The following NOX4 variants were observed in gnomAD, a reference collection of about 807,000 sequenced individuals.
NOX4 encodes the protein NADPH oxidase 4.
NOX4 carries 69 observed loss-of-function variants against 87.6 expected under a neutral mutation model. The observed-to-expected ratio is 0.79, with a 90% CI of 0.65 to 0.96. NOX4 has a LOEUF of 0.96. Ranked by LOEUF, NOX4 falls within the 40% of genes least tolerant of loss-of-function variation. The pLI is 0.00. For missense variants in NOX4, 680 were observed against 681.5 expected (o/e 1.00, Z 0.02); for synonymous variants, 275 against 238.2 (o/e 1.15, Z -1.42).
chr11:89,441,040 A>T (rs561632602), intron 5 of NOX4, among the ~76,000 whole-genome samples: 1 of 152,300 alleles, frequency 6.6e-6, no homozygotes, highest in East Asian at 1.9e-4. Context: ...TTGAAACTCA[A>T]TATCTTAGCC....
intron 12 of NOX4, among the ~76,000 whole-genome samples, chr11:89,366,547 G>A (rs1162070879): frequency 1.3e-5 from 2 of 151,792 alleles, no homozygotes; most frequent in Non-Finnish European, 2.9e-5. Flanking sequence ...ATGGTGGTCT[G>A]AGCCTGTGGT....
At chr11:89,473,549 T>C (rs1946038415) in intron 2 of NOX4, among the ~76,000 whole-genome samples, 1 of 152,122 alleles carries the variant, frequency 6.6e-6, no homozygotes, top group Admixed American at 6.6e-5. Context: ...TAATGATATA[T>C]ATTAAAACTC....
chr11:89,497,703 T>C (rs12224364), intron 1 of NOX4, among the ~76,000 whole-genome samples: 4,366 of 152,240 alleles, frequency 0.029, 254 homozygotes, highest in East Asian at 0.2. Context: ...AATTGTGAAA[T>C]TCCCAAAGGC....
At chr11:89,473,429 A>G (rs561322052) in intron 2 of NOX4, among the ~76,000 whole-genome samples, 1 of 148,068 alleles carries the variant, frequency 6.8e-6, no homozygotes, top group Admixed American at 6.9e-5. Flanking sequence ...TCTGAAAATT[A>G]GAAGCCAAAA....
the NOX4 span, among the ~76,000 whole-genome samples, chr11:89,586,698 T>C: frequency 6.6e-6 from 1 of 152,146 alleles, no homozygotes. Flanking sequence ...ATTAATATTA[T>C]AGCAAATAGG....
At chr11:89,360,669 A>T (rs1353420774) in intron 12 of NOX4, among the ~76,000 whole-genome samples, 1 of 152,050 alleles carries the variant, frequency 6.6e-6, no homozygotes, top group African/African-American at 2.4e-5. Flanking sequence ...TGAGTTGCTT[A>T]AAAAATATTT....
At chr11:89,332,152 T>A (rs1224372745) in intron 17 of NOX4, among the ~76,000 whole-genome samples, 3 of 151,816 alleles carry the variant, frequency 2.0e-5, no homozygotes, top group African/African-American at 7.3e-5. Flanking sequence ...TCTTACATAA[T>A]GAGAACTTAA....
At chr11:89,567,057 G>T in the NOX4 span, among the ~76,000 whole-genome samples, 14 of 152,278 alleles carry the variant, frequency 9.2e-5, no homozygotes, top group East Asian at 2.7e-3. Flanking sequence ...CACTCCCCTA[G>T]GTGGCTTTGG....
chr11:89,372,482 T>A (rs1291950428), intron 12 of NOX4, among the ~76,000 whole-genome samples: 1 of 152,012 alleles, frequency 6.6e-6, no homozygotes, highest in African/African-American at 2.4e-5. Flanking sequence ...GATTAAAGAC[T>A]GATTGGATTC....
At chr11:89,459,093 G>C (rs900465556) in intron 2 of NOX4, among the ~76,000 whole-genome samples, 2 of 151,988 alleles carry the variant, frequency 1.3e-5, no homozygotes, top group Non-Finnish European at 1.5e-5. Context: ...AGAAAATATG[G>C]TGTATACATA....
intron 2 of NOX4, among the ~76,000 whole-genome samples, chr11:89,485,974 G>C (rs565781469): frequency 2.0e-4 from 31 of 152,198 alleles, no homozygotes; most frequent in African/African-American, 7.2e-4. Flanking sequence ...CTCTGGATCA[G>C]ACCAGTCTGG....
At chr11:89,568,152 G>T in the NOX4 span, among the ~76,000 whole-genome samples, 1 of 152,006 alleles carries the variant, frequency 6.6e-6, no homozygotes, top group Non-Finnish European at 1.5e-5. Context: ...CTGGCCCCCC[G>T]TGAAATCATC....
At chr11:89,442,114 G>T (rs1382303594) in intron 5 of NOX4, among the ~76,000 whole-genome samples, 1 of 150,576 alleles carries the variant, frequency 6.6e-6, no homozygotes, top group African/African-American at 2.4e-5. Flanking sequence ...GTACCTATTA[G>T]ATGCTAAATA....
At chr11:89,490,383 A>C in intron 2 of NOX4, 75 bp downstream of exon 2, 1 of 1,002,192 alleles carries the variant, frequency 1.0e-6, no homozygotes, top group Non-Finnish European at 1.6e-6. Context: ...TAATGAATGG[A>C]ACTGACCAAA....
chr11:89,468,822 G>T (rs913101034), intron 2 of NOX4, among the ~76,000 whole-genome samples: 1 of 152,100 alleles, frequency 6.6e-6, no homozygotes, highest in Non-Finnish European at 1.5e-5. Context: ...ACAGCTCACT[G>T]CAGCCTGGAG....
chr11:89,542,796 A>G, the NOX4 span, among the ~76,000 whole-genome samples: 2 of 152,154 alleles, frequency 1.3e-5, 1 homozygote, highest in Non-Finnish European at 2.9e-5. Context: ...AGCATTTTCA[A>G]TTTAAGACTG....
the NOX4 span, among the ~76,000 whole-genome samples, chr11:89,571,764 A>G: frequency 1.8e-4 from 27 of 151,944 alleles, no homozygotes; most frequent in Non-Finnish European, 3.5e-4. Context: ...GAACTATGTC[A>G]CCCAAACCTG....
chr11:89,461,437 G>A (rs1038987021), intron 2 of NOX4, among the ~76,000 whole-genome samples: 2 of 151,956 alleles, frequency 1.3e-5, no homozygotes, highest in African/African-American at 2.4e-5. Context: ...GAGGTCAGGA[G>A]ATCGAGACCA....
intron 8 of NOX4, among the ~76,000 whole-genome samples, chr11:89,419,506 G>C (rs1942972830): frequency 6.6e-6 from 1 of 151,476 alleles, no homozygotes; most frequent in Admixed American, 6.6e-5. Context: ...AAATTTCCTG[G>C]AAAAAATGTG....
Sources: gnomAD v4.1 joint callset for allele counts (sites outside exome capture counted in the v4.1 genomes callset) on GRCh38, gnomAD v4.1.1 for gene constraint, MANE v1.5 for transcripts, NCBI Gene and HGNC (gene_info 2026-07-23, HGNC 2026-07-21) for gene names.